Variants in KLRG2 observed in about 807,000 individuals in gnomAD.
KLRG2 encodes killer cell lectin like receptor G2.
Under a neutral mutation model 35.4 loss-of-function variants are expected in KLRG2, and 39 were observed. That is an observed-to-expected ratio of 1.10 (90% CI 0.85 to 1.44). The LOEUF (loss-of-function observed/expected upper bound fraction) is 1.44, where lower values mean the gene tolerates loss of function less well. Among genes scored for constraint, KLRG2 ranks in the 40% most tolerant of loss-of-function variants. The pLI is 0.00. For missense variants in KLRG2, 632 were observed against 570.9 expected, an observed-to-expected ratio of 1.11 and a Z score of -1.09; for synonymous variants, 283 against 265.8, an observed-to-expected ratio of 1.06 and a Z score of -0.63.
At chr7:139,460,800 A>G (rs1263198477) in intron 3 of KLRG2, among the ~76,000 whole-genome samples, 1 of 152,078 alleles carries the variant, frequency 6.6e-6, no homozygotes, top group Non-Finnish European at 1.5e-5. Context: ...CTCTACTAAA[A>G]ATACAAAAAT....
rs752570978 is a variant in KLRG2, at chr7:139,482,882, T to A, written c.757+4A>T. 5 of 1,451,450 alleles carry A rather than the reference T, an allele frequency of 3.4e-6. No homozygotes were observed. Among genetic ancestry groups the A allele is most frequent in the Non-Finnish European group, 4.5e-6 (5 of 1,112,666 alleles). The allele number at this position is 1,451,450 out of a possible 1,614,324, so 89.9% of individuals were successfully genotyped here. A position where few individuals can be genotyped will look rare whatever the true frequency, so the allele number is the denominator to read the frequency against. On this transcript the variant is annotated splice_donor_region_variant and intron_variant, in intron 1 of 4. Transcript: ENST00000340940. ...GTCGGCTGCCGGCGCAGGTGAGCAC[T>A]CACCCGTAAGCGTTACGGCCCGGGG...
intron 3 of KLRG2, among the ~76,000 whole-genome samples, chr7:139,460,822 G>C (rs1252833115): frequency 1.3e-5 from 2 of 152,086 alleles, no homozygotes; most frequent in East Asian, 1.9e-4. Context: ...AGCTGCATGT[G>C]GTGGCAGGAG....
intron 1 of KLRG2, among the ~76,000 whole-genome samples, chr7:139,480,546 A>G (rs1279732186): frequency 6.7e-6 from 1 of 148,256 alleles, no homozygotes; most frequent in East Asian, 2.0e-4. Flanking sequence ...CCCGGGTTCA[A>G]GCAATTCTCC....
chr7:139,445,992 C>T, the KLRG2 span, among the ~76,000 whole-genome samples: 4 of 151,414 alleles, frequency 2.6e-5, no homozygotes, highest in East Asian at 3.9e-4. Context: ...CCACCACACC[C>T]GGCTAATGTT....
chr7:139,448,344 GA>G (rs1452721126), downstream of KLRG2, among the ~76,000 whole-genome samples: 16 of 152,050 alleles, frequency 1.1e-4, no homozygotes, highest in Admixed American at 2.6e-4. Flanking sequence ...TGGACATATT[GA>G]AGACCAGTCA....
At chr7:139,435,617 C>T in the KLRG2 span, among the ~76,000 whole-genome samples, 1 of 152,226 alleles carries the variant, frequency 6.6e-6, no homozygotes, top group Non-Finnish European at 1.5e-5. Context: ...TCTCCTCAAA[C>T]CTCTGGCCCC....
chr7:139,470,633 A>T (rs1796739265), intron 3 of KLRG2, among the ~76,000 whole-genome samples: 1 of 152,118 alleles, frequency 6.6e-6, no homozygotes, highest in African/African-American at 2.4e-5. Context: ...CTCTACAAAA[A>T]ATAAAAAATT....
At chr7:139,455,937 A>T (rs1796470951) in intron 3 of KLRG2, among the ~76,000 whole-genome samples, 3 of 152,314 alleles carry the variant, frequency 2.0e-5, no homozygotes, top group Admixed American at 2.0e-4. Flanking sequence ...TGTCAACATG[A>T]TGGAAAATTA....
the KLRG2 span, among the ~76,000 whole-genome samples, chr7:139,431,028 A>G: frequency 6.6e-6 from 1 of 151,974 alleles, no homozygotes; most frequent in South Asian, 2.1e-4. Flanking sequence ...AAAAAAAAAA[A>G]AAGGTTAAAT....
downstream of KLRG2, among the ~76,000 whole-genome samples, chr7:139,451,581 C>T (rs1304639049): frequency 6.6e-6 from 1 of 152,120 alleles, no homozygotes; most frequent in Non-Finnish European, 1.5e-5. Context: ...CTTGGTACCT[C>T]CTTTCTCCCT....
At chr7:139,468,895 A>G (rs926235419) in intron 3 of KLRG2, among the ~76,000 whole-genome samples, 1 of 152,182 alleles carries the variant, frequency 6.6e-6, no homozygotes, top group South Asian at 2.1e-4. Context: ...CCCTAATCCA[A>G]TGTGACTGGG....
chr7:139,428,372 TA>T, the KLRG2 span, among the ~76,000 whole-genome samples: 1 of 152,114 alleles, frequency 6.6e-6, no homozygotes, highest in South Asian at 2.1e-4. Context: ...GCCTCCTGAA[TA>T]GCCCTGCCCC....
chr7:139,461,561 C>G (rs1051579850), intron 3 of KLRG2, among the ~76,000 whole-genome samples: 3 of 152,138 alleles, frequency 2.0e-5, no homozygotes, highest in African/African-American at 7.2e-5. Flanking sequence ...CACAAAAGAA[C>G]TGAAAATGCC....
chr7:139,450,995 A>G (rs982302700), downstream of KLRG2, among the ~76,000 whole-genome samples: 7 of 152,142 alleles, frequency 4.6e-5, no homozygotes, highest in African/African-American at 1.7e-4. Flanking sequence ...AAGCAGCCAT[A>G]TGGAGAGCCG....
At chr7:139,463,022 G>A (rs768440715) in intron 3 of KLRG2, among the ~76,000 whole-genome samples, 7 of 152,078 alleles carry the variant, frequency 4.6e-5, no homozygotes, top group Non-Finnish European at 5.9e-5. Context: ...CACCCGACGC[G>A]GCTTACAGTT....
At chr7:139,480,361 C>A in intron 1 of KLRG2, 114 bp from the exon 2 acceptor site, 1 of 634,796 alleles carries the variant, frequency 1.6e-6, no homozygotes, top group Admixed American at 2.5e-5. Context: ...CAGCACCCAC[C>A]CCCTCAGCCT....
chr7:139,433,624 CCTTTTTTTTT>C, the KLRG2 span, among the ~76,000 whole-genome samples: 2 of 135,566 alleles, frequency 1.5e-5, no homozygotes, highest in Non-Finnish European at 3.0e-5. Flanking sequence ...CTGCGCCCGG[CCTTTTTTTTT>C]TTTTTTTTTT....
At chr7:139,450,703 T>C (rs773364918), downstream of KLRG2, among the ~76,000 whole-genome samples, 1 of 152,202 alleles carries the variant, frequency 6.6e-6, no homozygotes, top group Non-Finnish European at 1.5e-5. Flanking sequence ...TTAACAATTG[T>C]CTTGGATGTT....
At chr7:139,444,801 A>G in the KLRG2 span, among the ~76,000 whole-genome samples, 1 of 152,220 alleles carries the variant, frequency 6.6e-6, no homozygotes, top group Admixed American at 6.5e-5. Context: ...CCCAAACTAT[A>G]AGATACACAC....
Sources: gnomAD v4.1 joint callset for allele counts (sites outside exome capture counted in the v4.1 genomes callset) on GRCh38, gnomAD v4.1.1 for gene constraint, MANE v1.5 for transcripts, NCBI Gene and HGNC (gene_info 2026-07-23, HGNC 2026-07-21) for gene names.